LDB2: variants seen among roughly 807,000 people sequenced by gnomAD.
LDB2 encodes the protein LIM domain-binding protein 2.
A neutral mutation model predicts 44.3 loss-of-function variants in LDB2; 12 were observed. The observed-to-expected ratio is 0.27, with a 90% CI of 0.17 to 0.44. The LOEUF is 0.44. LDB2 is among the 20% of genes least tolerant of loss of function. The pLI, the probability that LDB2 is intolerant of heterozygous loss-of-function variation, is 1.00. For missense variants in LDB2, 344 were observed against 473.5 expected, an observed-to-expected ratio of 0.73 and a Z score of 2.54; for synonymous variants, 164 against 174.8, an observed-to-expected ratio of 0.94 and a Z score of 0.49.
intron 2 of LDB2, among the ~76,000 whole-genome samples, chr4:16,605,675 T>G (rs573960921): frequency 6.6e-6 from 1 of 152,306 alleles, no homozygotes; most frequent in Admixed American, 6.5e-5. Flanking sequence ...AGAATAGATG[T>G]CAAGAAGGGA....
At chr4:16,562,920 C>A (rs1296527241) in intron 5 of LDB2, among the ~76,000 whole-genome samples, 9 of 152,110 alleles carry the variant, frequency 5.9e-5, no homozygotes, top group Admixed American at 5.9e-4. Context: ...TTTGTAGGGA[C>A]ATGGATGAAA....
intron 2 of LDB2, among the ~76,000 whole-genome samples, chr4:16,630,483 T>C (rs1016020381): frequency 6.6e-6 from 1 of 152,032 alleles, no homozygotes. Context: ...CTGCAAAACA[T>C]GCCAAATTGT....
At chr4:16,766,429 AATGT>A (rs5856384) in intron 1 of LDB2, among the ~76,000 whole-genome samples, 1,733 of 145,748 alleles carry the variant, frequency 0.012, 40 homozygotes, top group African/African-American at 0.041. Flanking sequence ...TCTATATATA[AATGT>A]ATGTATGTGT....
At chr4:16,848,818 CG>C (rs1787608770) in intron 1 of LDB2, among the ~76,000 whole-genome samples, 1 of 152,118 alleles carries the variant, frequency 6.6e-6, no homozygotes, top group Non-Finnish European at 1.5e-5. Flanking sequence ...CCCATCCCCA[CG>C]GCCACCATCC....
intron 1 of LDB2, among the ~76,000 whole-genome samples, chr4:16,836,582 C>T (rs1015904038): frequency 3.3e-5 from 5 of 152,300 alleles, no homozygotes; most frequent in African/African-American, 7.2e-5. Context: ...CAGAGGCCAA[C>T]GTCTTCTCTA....
At chr4:16,897,939 CACATATGTATATATATATATATAT>C (rs1561575067) in intron 1 of LDB2, among the ~76,000 whole-genome samples, 11 of 10,474 alleles carry the variant, frequency 1.1e-3, no homozygotes, top group African/African-American at 7.1e-3. Context: ...TATATATATA[CACATATGTATATATATATATATAT>C]ATATATATAT....
At chr4:16,519,262 C>T (rs1235456362) in intron 5 of LDB2, among the ~76,000 whole-genome samples, 1 of 152,026 alleles carries the variant, frequency 6.6e-6, no homozygotes, top group African/African-American at 2.4e-5. Context: ...TTAACCCTCA[C>T]CCCCACCTTT....
chr4:16,568,497 C>T (rs1241829432), intron 5 of LDB2, among the ~76,000 whole-genome samples: 3 of 152,136 alleles, frequency 2.0e-5, no homozygotes, highest in Non-Finnish European at 1.5e-5. Flanking sequence ...TATTCTTTAA[C>T]CTGTGCAGGT....
At chr4:16,895,036 CTT>C (rs1219326439) in intron 1 of LDB2, among the ~76,000 whole-genome samples, 1 of 145,526 alleles carries the variant, frequency 6.9e-6, no homozygotes, top group Non-Finnish European at 1.5e-5. Flanking sequence ...ATGAAGAACT[CTT>C]TGTGATTTTG....
chr4:16,504,718 G>T (rs1718668374), intron 7 of LDB2, among the ~76,000 whole-genome samples: 1 of 152,210 alleles, frequency 6.6e-6, no homozygotes, highest in Non-Finnish European at 1.5e-5. Flanking sequence ...AGTTAGCTGG[G>T]CAGCTGCAGT....
At chr4:16,783,325 G>A (rs909338170) in intron 1 of LDB2, among the ~76,000 whole-genome samples, 1 of 152,202 alleles carries the variant, frequency 6.6e-6, no homozygotes, top group Non-Finnish European at 1.5e-5. Context: ...GATGTTTATG[G>A]TCAGGAAGGG....
intron 1 of LDB2, among the ~76,000 whole-genome samples, chr4:16,779,880 G>T (rs891101797): frequency 3.3e-5 from 5 of 152,074 alleles, no homozygotes; most frequent in Admixed American, 6.6e-5. Flanking sequence ...AATTATTTTT[G>T]ACTTTTTTCA....
intron 2 of LDB2, chr4:16,741,605 C>T (rs1199362132): frequency 6.6e-6 from 1 of 152,210 alleles, no homozygotes; most frequent in African/African-American, 2.4e-5. Flanking sequence ...ACAGTCTCTT[C>T]ACTCTGTCAG....
At chr4:16,772,126 T>C (rs1458300544) in intron 1 of LDB2, among the ~76,000 whole-genome samples, 2 of 152,152 alleles carry the variant, frequency 1.3e-5, no homozygotes, top group Non-Finnish European at 2.9e-5. Flanking sequence ...GTGGATGCCT[T>C]TCCTCTCTTT....
At chr4:16,779,720 T>C (rs1772744875) in intron 1 of LDB2, among the ~76,000 whole-genome samples, 1 of 152,178 alleles carries the variant, frequency 6.6e-6, no homozygotes, top group Non-Finnish European at 1.5e-5. Context: ...GCAAGTTAGT[T>C]TTCCCCTTCC....
chr4:16,644,124 G>A (rs914056419), intron 2 of LDB2, among the ~76,000 whole-genome samples: 5 of 152,214 alleles, frequency 3.3e-5, no homozygotes, highest in Admixed American at 6.5e-5. Flanking sequence ...ATGCCATTAA[G>A]TATGGTACTC....
At chr4:16,578,766 A>G (rs1712950486) in intron 5 of LDB2, among the ~76,000 whole-genome samples, 1 of 152,230 alleles carries the variant, frequency 6.6e-6, no homozygotes, top group African/African-American at 2.4e-5. Flanking sequence ...TTGCAGCACT[A>G]TTAACAATAG....
chr4:16,879,393 C>G (rs1439206195), intron 1 of LDB2, among the ~76,000 whole-genome samples: 2 of 152,158 alleles, frequency 1.3e-5, no homozygotes, highest in Admixed American at 6.6e-5. Flanking sequence ...GGTGTTTACT[C>G]TGAGATTAGG....
chr4:16,506,165 C>G (rs189672501), intron 7 of LDB2: 47 of 551,938 alleles, frequency 8.5e-5, no homozygotes, highest in South Asian at 8.7e-5. Context: ...GTTGATAACT[C>G]AGTAGACAGG....
Sources: gnomAD v4.1 joint callset for allele counts (sites outside exome capture counted in the v4.1 genomes callset) on GRCh38, gnomAD v4.1.1 for gene constraint, MANE v1.5 for transcripts, NCBI Gene and HGNC (gene_info 2026-07-23, HGNC 2026-07-21) for gene names.